TBC1D1: variants seen among roughly 807,000 people sequenced by gnomAD.
TBC1D1 encodes the protein TBC1 domain family member 1.
Under a neutral mutation model 125.6 loss-of-function variants are expected in TBC1D1, and 89 were observed. The ratio of observed to expected loss-of-function variants is 0.71; its 90% CI spans 0.60 to 0.85. TBC1D1 has a LOEUF of 0.85. Ranked by LOEUF, TBC1D1 falls within the 40% of genes least tolerant of loss-of-function variation. The pLI is 0.00. For missense variants in TBC1D1, 1,377 were observed against 1,469.2 expected (o/e 0.94, Z 1.03); for synonymous variants, 565 against 564.1 (o/e 1.00, Z -0.02).
At chr4:37,954,679 G>A (rs1314972832) in intron 2 of TBC1D1, among the ~76,000 whole-genome samples, 2 of 152,164 alleles carry the variant, frequency 1.3e-5, no homozygotes, top group Non-Finnish European at 2.9e-5. Context: ...AATAGTGGCT[G>A]CGATGGAGGA....
intron 15 of TBC1D1, among the ~76,000 whole-genome samples, chr4:38,105,643 A>C (rs1204755321): frequency 2.0e-5 from 3 of 152,050 alleles, no homozygotes; most frequent in Non-Finnish European, 4.4e-5. Flanking sequence ...CTTTATGTCC[A>C]TGTGTACCCA....
intron 2 of TBC1D1, among the ~76,000 whole-genome samples, chr4:37,927,367 C>T (rs1007723475): frequency 2.6e-5 from 4 of 151,948 alleles, no homozygotes; most frequent in Non-Finnish European, 4.4e-5. Flanking sequence ...TTGTGTGTGC[C>T]TTGGTTCTTA....
Position 38,137,113 on chromosome 4 carries a change from C to T in TBC1D1, c.3307-22C>T, listed in dbSNP as rs951185626. 4 of 1,612,482 alleles carry T rather than the reference C, an allele frequency of 2.5e-6. No individual in the cohort carries two copies. In the African/African-American group the frequency reaches 4.0e-5, roughly 16 times the overall value. ...GTGTTAGCACTGGCAATTGTATTCTCATTTCTTCTTTTATTCTCCAGGTGG... is the reference window on the plus strand; with the variant it reads ...GTGTTAGCACTGGCAATTGTATTCTTATTTCTTCTTTTATTCTCCAGGTGG... On this transcript the variant is annotated intron_variant, in intron 19 of 19. Coordinates refer to ENST00000261439, the MANE Select transcript of TBC1D1 (RefSeq NM_015173.4).
In TBC1D1 at chr4:38,137,384, A is replaced by C; in HGVS notation, c.*49A>C. The C allele has an allele frequency of 6.8e-7, 1 of 1,480,542 alleles. No individual in the cohort carries two copies. The highest frequency in any genetic ancestry group is 1.4e-5 in the South Asian group (1 of 70,730). The allele number at this position is 1,480,542 out of a possible 1,614,324, so 91.7% of individuals were successfully genotyped here. On this transcript the variant is annotated 3_prime_UTR_variant, in exon 20 of 20. Coordinates refer to ENST00000261439, the MANE Select transcript of TBC1D1 (RefSeq NM_015173.4). ...CACCATCCCACACTGTCCAGGCCTT[A>C]ACTGAGAGGGACAGAAGACGCTGGA... is the stretch of plus-strand genomic sequence containing the variant.
intron 2 of TBC1D1, among the ~76,000 whole-genome samples, chr4:38,005,529 CT>C (rs1445520406): frequency 6.6e-6 from 1 of 152,202 alleles, no homozygotes; most frequent in Non-Finnish European, 1.5e-5. Flanking sequence ...CCTAGCCTGG[CT>C]TCTGAGACAG....
chr4:38,019,497 TTGC>T (rs1743541131), intron 4 of TBC1D1, among the ~76,000 whole-genome samples: 1 of 152,186 alleles, frequency 6.6e-6, no homozygotes, highest in Admixed American at 6.5e-5. Context: ...TAATCCTGAT[TTGC>T]TGCTATTTCT....
At position 38,137,413 on chromosome 4, in the gene TBC1D1, A is replaced by G; in HGVS notation, c.*78A>G. On this transcript the variant is annotated 3_prime_UTR_variant, in exon 20 of 20. Coordinates refer to ENST00000261439, the MANE Select transcript of TBC1D1 (RefSeq NM_015173.4). Reference sequence around the variant, plus strand: ...GAGAGGGACAGAAGACGCTGGAAGGAGAGAAGGAAGCGGGAAGTGTGCTTC... The same window carrying G: ...GAGAGGGACAGAAGACGCTGGAAGGGGAGAAGGAAGCGGGAAGTGTGCTTC... The G allele has an allele frequency of 7.4e-7, 1 of 1,347,654 alleles. No individual in the cohort carries two copies. The highest frequency in any genetic ancestry group is 9.6e-7 in the Non-Finnish European group (1 of 1,044,608). 83.5% of individuals were successfully genotyped at this position (1,347,654 alleles called of 1,614,324 possible).
intron 2 of TBC1D1, among the ~76,000 whole-genome samples, chr4:37,951,422 A>G (rs1387353122): frequency 1.3e-5 from 2 of 152,236 alleles, no homozygotes; most frequent in Non-Finnish European, 2.9e-5. Flanking sequence ...GGTTAAAAAA[A>G]TACATGGCCT....
At chr4:37,972,239 T>C (rs1383055638) in intron 2 of TBC1D1, among the ~76,000 whole-genome samples, 2 of 152,108 alleles carry the variant, frequency 1.3e-5, no homozygotes, top group Non-Finnish European at 2.9e-5. Flanking sequence ...TCTCGCACTT[T>C]GGGAGGCTGA....
At chr4:38,061,403 A>T (rs1367076741) in intron 12 of TBC1D1, among the ~76,000 whole-genome samples, 4 of 152,206 alleles carry the variant, frequency 2.6e-5, no homozygotes, top group Non-Finnish European at 2.9e-5. Flanking sequence ...ATTAAGAAAC[A>T]ATTTTTAAGG....
chr4:38,035,783 C>CT, intron 8 of TBC1D1, 85 bp downstream of exon 8: 1 of 985,138 alleles, frequency 1.0e-6, no homozygotes, highest in Non-Finnish European at 1.6e-6. Flanking sequence ...TTCTGAAACT[C>CT]TGATACCTTT....
intron 10 of TBC1D1, among the ~76,000 whole-genome samples, chr4:38,048,527 T>G (rs1415391154): frequency 1.3e-5 from 2 of 151,040 alleles, no homozygotes. Flanking sequence ...CTTCTCCCTT[T>G]GGTAAACACA....
At chr4:37,963,598 G>A (rs542837195) in intron 2 of TBC1D1, among the ~76,000 whole-genome samples, 9 of 152,274 alleles carry the variant, frequency 5.9e-5, no homozygotes, top group South Asian at 2.1e-4. Context: ...TGAAGGTTGC[G>A]GTGAGCCGAG....
At chr4:38,041,373 T>C (rs1240833402) in intron 8 of TBC1D1, among the ~76,000 whole-genome samples, 2 of 152,210 alleles carry the variant, frequency 1.3e-5, no homozygotes, top group East Asian at 3.9e-4. Flanking sequence ...AACATGAATT[T>C]GTACCATTCA....
At position 38,059,908 on chromosome 4, in the gene TBC1D1, T is replaced by C. The variant is rs1752456113; in HGVS notation, c.2050+5570T>C. On this transcript the variant is annotated intron_variant, in intron 12 of 19. Coordinates refer to ENST00000261439, the MANE Select transcript of TBC1D1 (RefSeq NM_015173.4). ...GCCCCCCAACAGGCTCCAGTGTTTG[T>C]TGTTCCCTTTCCTATGTCCATGTGT... Among the ~76,000 whole-genome samples, 5 of 152,282 alleles carry C rather than the reference T, an allele frequency of 3.3e-5. No individual in the cohort carries two copies. The South Asian group carries it at 1.0e-3, about 32-fold the overall frequency.
At position 38,115,832 on chromosome 4, in the gene TBC1D1, A is replaced by T. The variant is rs1762893638; in HGVS notation, c.2680A>T (p.Ser894Cys). The change falls in exon 16 of 20, where the codon AGC becomes TGC. Residue 894 changes from serine (S) to cysteine (C), a missense_variant. Ser to Cys is a moderately radical substitution (Grantham distance 112). This residue lies in a region of TBC1D1 where 543 missense variants were observed against 613.5 expected (regional missense o/e 0.89). Coordinates refer to ENST00000261439, the MANE Select transcript of TBC1D1 (RefSeq NM_015173.4). ...GGAAGTGGGATATTGCCAAGGTCTC[A>T]GCTTTGTAGCAGGCATTTTGCTTCT... 6.2e-7 allele frequency: 1 copy of T among 1,614,084 alleles called. No homozygotes were observed. Among genetic ancestry groups the T allele is most frequent in the African/African-American group, 1.3e-5 (1 of 74,922 alleles).
chr4:37,949,837 CTTTA>C (rs947720910), intron 2 of TBC1D1, among the ~76,000 whole-genome samples: 5 of 152,112 alleles, frequency 3.3e-5, no homozygotes, highest in Admixed American at 3.3e-4. Flanking sequence ...TCCAATAAAA[CTTTA>C]TTTATAAATA....
At chr4:37,938,066 A>G (rs1460504307) in intron 2 of TBC1D1, among the ~76,000 whole-genome samples, 2 of 152,162 alleles carry the variant, frequency 1.3e-5, no homozygotes, top group Admixed American at 6.5e-5. Context: ...TGTCTCTTGT[A>G]GAGAGTTCTG....
chr4:37,915,316 A>G (rs143296447), intron 2 of TBC1D1, among the ~76,000 whole-genome samples: 1 of 152,332 alleles, frequency 6.6e-6, no homozygotes, highest in East Asian at 1.9e-4. Context: ...ATGATTATGG[A>G]GGCTGAGAAA....
Sources: gnomAD v4.1 joint callset for allele counts (sites outside exome capture counted in the v4.1 genomes callset) on GRCh38, gnomAD v4.1.1 for gene constraint, gnomAD v4.1.1 regional missense constraint, MANE v1.5 for transcripts, NCBI Gene and HGNC (gene_info 2026-07-23, HGNC 2026-07-21) for gene names.